SPHKAP: variants seen among roughly 807,000 people sequenced by gnomAD.
The protein encoded by SPHKAP is A-kinase anchor protein SPHKAP.
Under a neutral mutation model 137.5 loss-of-function variants are expected in SPHKAP, and 67 were observed. The ratio of observed to expected loss-of-function variants is 0.49; its 90% CI spans 0.40 to 0.60. The LOEUF (loss-of-function observed/expected upper bound fraction) is 0.60, where lower values mean the gene tolerates loss of function less well. Among genes scored for constraint, SPHKAP ranks in the 20% least tolerant of loss-of-function variants. SPHKAP has a pLI of 0.00. For missense variants in SPHKAP, 2,097 were observed against 2,069.3 expected, an observed-to-expected ratio of 1.01 and a Z score of -0.26; for synonymous variants, 813 against 785.3, an observed-to-expected ratio of 1.04 and a Z score of -0.59.
At chr2:228,179,332 T>C (rs1169432324) in intron 1 of SPHKAP, among the ~76,000 whole-genome samples, 1 of 152,222 alleles carries the variant, frequency 6.6e-6, no homozygotes, top group Non-Finnish European at 1.5e-5. Flanking sequence ...AATAATCAAT[T>C]CTTTAAAATG....
intron 1 of SPHKAP, among the ~76,000 whole-genome samples, chr2:228,168,245 A>C (rs973617426): frequency 6.6e-6 from 1 of 152,156 alleles, no homozygotes; most frequent in African/African-American, 2.4e-5. Context: ...TGTTTTAAAG[A>C]AAATGATTGC....
chr2:228,099,675 A>G (rs1698120422), intron 3 of SPHKAP, among the ~76,000 whole-genome samples: 1 of 151,954 alleles, frequency 6.6e-6, no homozygotes, highest in Admixed American at 6.6e-5. Context: ...TGATTTTCCC[A>G]TTTGTTTGTG....
intron 7 of SPHKAP, among the ~76,000 whole-genome samples, chr2:228,001,816 A>G (rs925271025): frequency 1.9e-4 from 29 of 151,910 alleles, no homozygotes; most frequent in Non-Finnish European, 3.2e-4. Flanking sequence ...GAGAACGTGA[A>G]GTGTTTGGTT....
intron 3 of SPHKAP, chr2:228,028,069 C>CT: frequency 1.0e-6 from 1 of 985,318 alleles, no homozygotes; most frequent in Non-Finnish European, 1.2e-6. Flanking sequence ...ACAACAAATG[C>CT]CCGCTTCCTT....
chr2:228,149,471 G>T (rs1025376154), intron 1 of SPHKAP, among the ~76,000 whole-genome samples: 3 of 152,166 alleles, frequency 2.0e-5, no homozygotes, highest in Non-Finnish European at 4.4e-5. Context: ...TTTACTGTGT[G>T]AATGAGAATG....
At chr2:227,985,456 C>T (rs1392337989) in intron 11 of SPHKAP, among the ~76,000 whole-genome samples, 1 of 152,118 alleles carries the variant, frequency 6.6e-6, no homozygotes, top group Non-Finnish European at 1.5e-5. Context: ...TTTTATTTAG[C>T]AGAAAGTCCT....
At position 228,018,426 on chromosome 2, in the gene SPHKAP, G is replaced by A. The variant is rs1193100126; in HGVS notation, c.2428C>T (p.Leu810=). The A allele has an allele frequency of 3.1e-6, 5 of 1,613,882 alleles. No individual in the cohort carries two copies. Among genetic ancestry groups the A allele is most frequent in the Non-Finnish European group, 3.4e-6 (4 of 1,179,914 alleles). ...VRPGLFKNPT[L]QSQLSRSHRV... ...TGACTACGTGATAATTGTGACTGCA[G>A]CGTGGGGTTCTTGAAGAGGCCTGGC... is the stretch of plus-strand genomic sequence containing the variant. The change falls in exon 7 of 12, where the codon CTG becomes TTG. Residue 810 remains leucine, a synonymous_variant. Coordinates refer to ENST00000392056, the MANE Select transcript of SPHKAP (RefSeq NM_001142644.2).
At chr2:228,043,515 C>A (rs544129779) in intron 3 of SPHKAP, among the ~76,000 whole-genome samples, 2 of 152,108 alleles carry the variant, frequency 1.3e-5, no homozygotes, top group African/African-American at 4.8e-5. Flanking sequence ...TTAGTAGAGA[C>A]AGGGTTTCAC....
chr2:228,059,652 A>G (rs1003141950), intron 3 of SPHKAP, among the ~76,000 whole-genome samples: 1 of 152,226 alleles, frequency 6.6e-6, no homozygotes, highest in Non-Finnish European at 1.5e-5. Context: ...GTAACACGAA[A>G]CTTAAATACA....
intron 3 of SPHKAP, among the ~76,000 whole-genome samples, chr2:228,038,401 T>C (rs1248922424): frequency 1.3e-5 from 2 of 152,122 alleles, no homozygotes; most frequent in Non-Finnish European, 2.9e-5. Flanking sequence ...GGGTGAATGT[T>C]ATGTGTGACT....
At chr2:228,091,316 A>G (rs961317603) in intron 3 of SPHKAP, among the ~76,000 whole-genome samples, 12 of 152,244 alleles carry the variant, frequency 7.9e-5, no homozygotes, top group Non-Finnish European at 1.8e-4. Flanking sequence ...TGAAAATTCT[A>G]GAAGATAACA....
intron 3 of SPHKAP, among the ~76,000 whole-genome samples, chr2:228,068,444 C>G (rs545164008): frequency 6.6e-6 from 1 of 151,536 alleles, no homozygotes; most frequent in Non-Finnish European, 1.5e-5. Context: ...ACCAAAAGAA[C>G]AAAACTGGAG....
chr2:228,105,836 A>G (rs1262881389), intron 3 of SPHKAP, among the ~76,000 whole-genome samples: 2 of 152,140 alleles, frequency 1.3e-5, no homozygotes, highest in African/African-American at 4.8e-5. Context: ...AGCCACGTGG[A>G]ACTGTGAGTT....
intron 1 of SPHKAP, among the ~76,000 whole-genome samples, chr2:228,151,437 G>A (rs1422978670): frequency 6.6e-6 from 1 of 152,034 alleles, no homozygotes; most frequent in Non-Finnish European, 1.5e-5. Context: ...ATAGTCCTTT[G>A]GGTATATACC....
At chr2:228,169,465 G>C (rs1700517291) in intron 1 of SPHKAP, among the ~76,000 whole-genome samples, 1 of 152,024 alleles carries the variant, frequency 6.6e-6, no homozygotes, top group Non-Finnish European at 1.5e-5. Flanking sequence ...TACTCTGCCT[G>C]TGCTCTGTAA....
At chr2:228,105,773 GCCACCATATGAGTTGTGCCTTTTGCCTT>G (rs1410912238) in intron 3 of SPHKAP, among the ~76,000 whole-genome samples, 2 of 152,090 alleles carry the variant, frequency 1.3e-5, no homozygotes, top group Non-Finnish European at 2.9e-5. Flanking sequence ...TCTCTTGCCT[GCCACCATATGAGTTGTGCCTTTTGCCTT>G]CCACCATGAT....
At chr2:228,041,646 C>CAAAA (rs58570907) in intron 3 of SPHKAP, among the ~76,000 whole-genome samples, 2 of 95,942 alleles carry the variant, frequency 2.1e-5, no homozygotes, top group African/African-American at 4.0e-5. Context: ...GACTCTGTCT[C>CAAAA]AAAAAAAAAA....
intron 2 of SPHKAP, among the ~76,000 whole-genome samples, chr2:228,131,508 C>G (rs1322818519): frequency 6.7e-6 from 1 of 149,372 alleles, no homozygotes; most frequent in Non-Finnish European, 1.5e-5. Flanking sequence ...TATATCAGCT[C>G]TTAAGTCTAT....
At chr2:228,077,837 T>C (rs933796376) in intron 3 of SPHKAP, among the ~76,000 whole-genome samples, 1 of 152,186 alleles carries the variant, frequency 6.6e-6, no homozygotes, top group African/African-American at 2.4e-5. Context: ...AGTTTGGCTG[T>C]GTCCCCACCC....
Sources: allele counts gnomAD v4.1 joint callset (sites outside exome capture counted in the v4.1 genomes callset), GRCh38; gene constraint gnomAD v4.1.1; transcripts MANE v1.5; gene names NCBI Gene and HGNC (gene_info 2026-07-23, HGNC 2026-07-21).